UNC80: variants seen among roughly 807,000 people sequenced by gnomAD.
The protein encoded by UNC80 is protein unc-80 homolog.
In UNC80, 164 loss-of-function variants were observed where a neutral mutation model predicts 384.6. The observed-to-expected ratio is 0.43, with a 90% CI of 0.38 to 0.49. The LOEUF (loss-of-function observed/expected upper bound fraction) is 0.49. Among genes scored for constraint, UNC80 ranks in the 20% least tolerant of loss-of-function variants. UNC80 has a pLI of 0.00. For missense variants in UNC80, 3,330 were observed against 4,143.0 expected, an observed-to-expected ratio of 0.80 and a Z score of 5.39; for synonymous variants, 1,486 against 1,527.8, an observed-to-expected ratio of 0.97 and a Z score of 0.64.
At chr2:209,916,254 C>G (rs1400529484) in intron 31 of UNC80, among the ~76,000 whole-genome samples, 1 of 152,108 alleles carries the variant, frequency 6.6e-6, no homozygotes, top group African/African-American at 2.4e-5. Context: ...CACTGGTCTT[C>G]TCCACATCTA....
chr2:209,895,006 C>G (rs2086673110), intron 27 of UNC80, among the ~76,000 whole-genome samples: 1 of 152,128 alleles, frequency 6.6e-6, no homozygotes, highest in Admixed American at 6.6e-5. Context: ...CAAGGATGCT[C>G]TAAAGATAAA....
chr2:209,817,874 C>T lies in UNC80; in HGVS notation c.1615C>T (p.His539Tyr). ...TGAGATGGAGAGTCTGAGCGCCAGG[C>T]ATTCCCACTCCCATCACACCCTGGT... Reference protein sequence around the residue: ...ATEMESLSARHSHSHHTLVSD... With the variant: ...ATEMESLSARYSHSHHTLVSD... Residue 539 changes from histidine to tyrosine, a missense_variant, in exon 11 of 65, where the codon CAT (histidine) becomes TAT (tyrosine). Physicochemically the swap from His to Tyr is moderately conservative, Grantham distance 83 (BLOSUM62 2). This residue lies in a region of UNC80 where 937 missense variants were observed against 1,026.8 expected (regional missense o/e 0.91). Transcript: ENST00000673920. 6.4e-7 allele frequency: 1 copy of T among 1,551,664 alleles called. No homozygotes were observed. Among genetic ancestry groups the T allele is most frequent in the Non-Finnish European group, 8.7e-7 (1 of 1,146,978 alleles).
At position 209,772,005 on chromosome 2, in the gene UNC80, A is replaced by C; in HGVS notation, c.-68A>C. On this transcript the variant is annotated 5_prime_UTR_variant, in exon 1 of 65. Transcript: ENST00000673920. The stretch of plus-strand genomic sequence containing the variant: ...GATGAGAGTTGGGAGCAGCGGGAGG[A>C]GGCGGCGGCGGCGGCTAGCGAGGAG... 1 of 1,149,282 alleles carries C rather than the reference A, an allele frequency of 8.7e-7. No homozygotes were observed. The allele number at this position is 1,149,282 out of a possible 1,614,324, so 71.2% of individuals were successfully genotyped here. A position where few individuals can be genotyped will look rare whatever the true frequency, so the allele number is the denominator to read the frequency against.
intron 13 of UNC80, 121 bp from the exon 14 acceptor site, chr2:209,825,786 A>G: frequency 2.2e-6 from 2 of 899,088 alleles, no homozygotes; most frequent in Non-Finnish European, 3.0e-6. Flanking sequence ...CTGTTTTCCA[A>G]ATTGCAGGTG....
chr2:209,940,667 A>G (rs970247762), intron 43 of UNC80, among the ~76,000 whole-genome samples: 5 of 152,128 alleles, frequency 3.3e-5, no homozygotes, highest in Non-Finnish European at 5.9e-5. Flanking sequence ...TACAAAAAAA[A>G]TTAGCTGGGC....
intron 23 of UNC80, among the ~76,000 whole-genome samples, chr2:209,877,686 A>C (rs2084904033): frequency 6.6e-6 from 1 of 152,156 alleles, no homozygotes; most frequent in African/African-American, 2.4e-5. Context: ...AAATGGAAAT[A>C]TTTTCAGAAA....
chr2:209,855,261 C>T lies in UNC80; in HGVS notation c.3627+5638C>T, dbSNP rs997114493. 3.3e-5 allele frequency among the ~76,000 whole-genome samples: 5 copies of T among 152,232 alleles called. No homozygotes were observed. In the East Asian group the frequency reaches 9.6e-4, roughly 29 times the overall value. On this transcript the variant is annotated intron_variant, in intron 22 of 64. Coordinates refer to ENST00000673920, the MANE Select transcript of UNC80 (RefSeq NM_001371986.1). The stretch of plus-strand genomic sequence containing the variant: ...GCTGAACAATGAGAACACATGGACA[C>T]ATGGACACAGGGGAACAACACACAC...
intron 43 of UNC80, among the ~76,000 whole-genome samples, chr2:209,940,561 C>A (rs923314057): frequency 3.3e-5 from 5 of 152,126 alleles, no homozygotes; most frequent in Non-Finnish European, 5.9e-5. Flanking sequence ...TGCCTGTAAT[C>A]CCAGGCCTTT....
At chr2:209,810,950 G>A (rs1397023491) in intron 7 of UNC80, among the ~76,000 whole-genome samples, 1 of 152,126 alleles carries the variant, frequency 6.6e-6, no homozygotes, top group East Asian at 1.9e-4. Context: ...TGGGGGTGGG[G>A]GGAAGGAAAT....
intron 4 of UNC80, among the ~76,000 whole-genome samples, chr2:209,780,699 G>C (rs2077109262): frequency 6.6e-6 from 1 of 152,282 alleles, no homozygotes; most frequent in East Asian, 1.9e-4. Flanking sequence ...TCACAGGTGG[G>C]TGTGTGGGAG....
At chr2:209,982,981 A>G (rs1042456524) in intron 60 of UNC80, 2 of 151,868 alleles carry the variant, frequency 1.3e-5, no homozygotes, top group Non-Finnish European at 2.9e-5. Flanking sequence ...CAATGAAAGT[A>G]TAATGAAAAT....
intron 3 of UNC80, 104 bp from the exon 4 acceptor site, chr2:209,777,151 TAAG>T: frequency 7.8e-7 from 1 of 1,275,230 alleles, no homozygotes; most frequent in Non-Finnish European, 1.1e-6. Flanking sequence ...GCAGTGGTTG[TAAG>T]AAGTATAGAG....
chr2:209,816,510 A>C (rs2079748324), intron 9 of UNC80, among the ~76,000 whole-genome samples: 1 of 152,196 alleles, frequency 6.6e-6, no homozygotes, highest in Non-Finnish European at 1.5e-5. Flanking sequence ...GTGATTTGCA[A>C]ACTTTAGTGT....
intron 61 of UNC80, 45 bp downstream of exon 61, chr2:209,984,957 A>G (rs1457245647): frequency 6.7e-7 from 1 of 1,490,306 alleles, no homozygotes; most frequent in Non-Finnish European, 9.1e-7. Context: ...GTGCTGGGAA[A>G]CTAGCTGTTC....
intron 31 of UNC80, 112 bp from the exon 32 acceptor site, chr2:209,917,665 A>T: frequency 9.2e-6 from 12 of 1,306,810 alleles, no homozygotes; most frequent in Non-Finnish European, 1.1e-5. Flanking sequence ...GCCTAGCTCC[A>T]TATAGCTCAG....
At chr2:209,809,138 C>A in intron 7 of UNC80, 1 of 587,516 alleles carries the variant, frequency 1.7e-6, no homozygotes. Flanking sequence ...TCCACTTCAG[C>A]TTCTTCCTTG....
chr2:209,995,455 A>G lies in UNC80; in HGVS notation c.9835A>G (p.Ser3279Gly). The G allele has an allele frequency of 6.4e-7, 1 of 1,551,906 alleles. No individual in the cohort carries two copies. Among genetic ancestry groups the G allele is most frequent in the Non-Finnish European group, 8.7e-7 (1 of 1,147,042 alleles). Residue 3279 changes from serine to glycine, a missense_variant, in exon 65 of 65, where the codon AGC (serine) becomes GGC (glycine). This residue lies in a region of UNC80 where 236 missense variants were observed against 254.9 expected (regional missense o/e 0.93). Coordinates refer to ENST00000673920, the MANE Select transcript of UNC80 (RefSeq NM_001371986.1). ...TGACTTCACAGGCCTCGAGACATCC[A>G]GCCTCCTACAGCATGGAGACACTGT... ...PDDFTGLETS[S>G]LLQHGDTVLH...
chr2:209,794,205 G>A (rs907379159), intron 7 of UNC80, among the ~76,000 whole-genome samples: 4 of 152,144 alleles, frequency 2.6e-5, no homozygotes, highest in African/African-American at 9.7e-5. Flanking sequence ...ATTTTATACC[G>A]CTAGATCCTT....
At chr2:209,937,034 T>A in intron 41 of UNC80, 101 bp downstream of exon 41, 2 of 773,868 alleles carry the variant, frequency 2.6e-6, no homozygotes, top group South Asian at 1.7e-5. Flanking sequence ...GTTTAGAAGG[T>A]AATAGTATGG....
Sources: gnomAD v4.1 joint callset for allele counts (sites outside exome capture counted in the v4.1 genomes callset) on GRCh38, gnomAD v4.1.1 for gene constraint, gnomAD v4.1.1 regional missense constraint, MANE v1.5 for transcripts, NCBI Gene and HGNC (gene_info 2026-07-23, HGNC 2026-07-21) for gene names.